The following PPP3CA variants were observed in gnomAD, a reference collection of about 807,000 sequenced individuals.
The protein encoded by PPP3CA is CAM-PRP catalytic subunit.
PPP3CA carries 14 observed loss-of-function variants against 66.5 expected under a neutral mutation model. The ratio of observed to expected loss-of-function variants is 0.21; its 90% CI spans 0.14 to 0.33. The LOEUF is 0.33. Among genes scored for constraint, PPP3CA ranks in the 10% least tolerant of loss-of-function variants. The pLI is 1.00. For missense variants in PPP3CA, 317 were observed against 639.5 expected (o/e 0.50, Z 5.44); for synonymous variants, 232 against 226.2 (o/e 1.03, Z -0.23).
rs546534024 is a variant in PPP3CA at position 101,080,459 on chromosome 4, A to C, written c.955+73T>G. 1.2e-3 allele frequency: 1,020 copies of C among 855,774 alleles called. 3 individuals are homozygous for C. The highest frequency in any genetic ancestry group is 1.4e-3 in the Non-Finnish European group (869 of 609,280). The allele number at this position is 855,774 out of a possible 1,614,324, so 53.0% of individuals were successfully genotyped here. On this transcript the variant is annotated intron_variant, in intron 8 of 13. Transcript: ENST00000394854. ...AGACTGGTTAAAATACTTAAGACCA[A>C]ACCAAAATAAAACGGCTTAAGAATT... is the stretch of plus-strand genomic sequence containing the variant.
chr4:101,032,414 A>AAAG, intron 11 of PPP3CA, 50 bp from the exon 12 acceptor site: 2 of 1,488,386 alleles, frequency 1.3e-6, no homozygotes, highest in Non-Finnish European at 1.9e-6. Context: ...CTTTTGTGAA[A>AAAG]AAGAAAGAAA....
At chr4:101,101,316 T>G (rs1023821323) in intron 3 of PPP3CA, among the ~76,000 whole-genome samples, 1 of 152,176 alleles carries the variant, frequency 6.6e-6, no homozygotes, top group African/African-American at 2.4e-5. Context: ...TAGCTGTACT[T>G]ACATGTTTCA....
intron 2 of PPP3CA, among the ~76,000 whole-genome samples, chr4:101,168,581 T>C (rs934802057): frequency 6.6e-6 from 1 of 152,004 alleles, no homozygotes; most frequent in Non-Finnish European, 1.5e-5. Context: ...GGAGACTAAG[T>C]AAAAAGGACC....
chr4:101,287,704 G>T (rs1727888639), intron 1 of PPP3CA, among the ~76,000 whole-genome samples: 1 of 151,120 alleles, frequency 6.6e-6, no homozygotes, highest in African/African-American at 2.4e-5. Flanking sequence ...GCCTTCCAAG[G>T]TATACAGATC....
intron 1 of PPP3CA, among the ~76,000 whole-genome samples, chr4:101,341,205 TTTC>T (rs754187144): frequency 0.032 from 770 of 23,956 alleles, 2 homozygotes; most frequent in Admixed American, 0.051. Context: ...TTTTTTTCTT[TTTC>T]TTTTTTTTTT....
intron 1 of PPP3CA, among the ~76,000 whole-genome samples, chr4:101,234,563 C>T (rs931509716): frequency 5.3e-5 from 8 of 150,974 alleles, no homozygotes; most frequent in African/African-American, 2.0e-4. Flanking sequence ...ATGTCCTTTC[C>T]CCACTTTTTA....
At chr4:101,208,885 TTA>T (rs1269219668) in intron 1 of PPP3CA, among the ~76,000 whole-genome samples, 1 of 152,178 alleles carries the variant, frequency 6.6e-6, no homozygotes, top group Non-Finnish European at 1.5e-5. Flanking sequence ...CTAATACTCT[TTA>T]TATCGGGTTT....
intron 10 of PPP3CA, among the ~76,000 whole-genome samples, chr4:101,044,919 A>G (rs1727692723): frequency 6.6e-6 from 1 of 152,214 alleles, no homozygotes; most frequent in Non-Finnish European, 1.5e-5. Flanking sequence ...AGCCTTAGAA[A>G]GGAACTGGAA....
chr4:101,238,917 G>A (rs1726213025), intron 1 of PPP3CA, among the ~76,000 whole-genome samples: 1 of 151,820 alleles, frequency 6.6e-6, no homozygotes, highest in South Asian at 2.1e-4. Flanking sequence ...TTATTTTTAG[G>A]ATCAAAAATC....
intron 2 of PPP3CA, among the ~76,000 whole-genome samples, chr4:101,160,761 A>G (rs1358450893): frequency 6.6e-6 from 1 of 152,110 alleles, no homozygotes; most frequent in Non-Finnish European, 1.5e-5. Context: ...TTTTAATCAG[A>G]CAAATGAAGA....
chr4:101,295,039 C>T (rs544353195), intron 1 of PPP3CA, among the ~76,000 whole-genome samples: 4 of 152,154 alleles, frequency 2.6e-5, no homozygotes, highest in South Asian at 4.1e-4. Context: ...CGGTGGCTCA[C>T]GCCTGTAATC....
In PPP3CA at chr4:101,106,425, GAAAGAAAGAAAGAAAGAAAGAAAGAAAGA is replaced by G. The variant is rs1730698886; in HGVS notation, c.384+2500_384+2528del. On this transcript the variant is annotated intron_variant, in intron 3 of 13. Transcript: ENST00000394854. Reference sequence around the variant, plus strand: ...AGAAAGAAAGAAAGAAAGAAAGAAAGAAAGAAAGAAAGAAAGAAAGAAAGAAAGAGAAAAGAAAAGAAAAGAAAAGAAAA... The same window carrying G: ...AGAAAGAAAGAAAGAAAGAAAGAAAGGAAAAGAAAAGAAAAGAAAAGAAAA... 1.9e-4 allele frequency among the ~76,000 whole-genome samples: 2 copies of G among 10,734 alleles called. 1 individual carries two copies. Among genetic ancestry groups the G allele is most frequent in the African/African-American group, 5.8e-4 (2 of 3,448 alleles). 7.0% of individuals were successfully genotyped at this position (10,734 alleles called of 152,430 possible).
intron 2 of PPP3CA, among the ~76,000 whole-genome samples, chr4:101,128,336 T>G (rs1192278675): frequency 2.6e-5 from 4 of 152,192 alleles, no homozygotes; most frequent in African/African-American, 9.7e-5. Context: ...TACCTTGGTC[T>G]GATCATCCAT....
chr4:101,134,584 T>C (rs1722554451), intron 2 of PPP3CA, among the ~76,000 whole-genome samples: 1 of 152,158 alleles, frequency 6.6e-6, no homozygotes, highest in Admixed American at 6.5e-5. Context: ...AAACAACAGA[T>C]GCTGGAGAGG....
chr4:101,183,168 T>C (rs1724297022), intron 2 of PPP3CA, among the ~76,000 whole-genome samples: 2 of 152,158 alleles, frequency 1.3e-5, no homozygotes, highest in East Asian at 1.9e-4. Context: ...ACATGGCTTG[T>C]ACACAATGTT....
chr4:101,110,092 A>ATATGTGTG (rs1174302311), intron 2 of PPP3CA, among the ~76,000 whole-genome samples: 4 of 152,084 alleles, frequency 2.6e-5, no homozygotes, highest in Non-Finnish European at 5.9e-5. Context: ...ATACTAATAT[A>ATATGTGTG]TATGTGTGTA....
intron 2 of PPP3CA, among the ~76,000 whole-genome samples, chr4:101,144,104 G>A (rs1722892034): frequency 6.6e-6 from 1 of 152,042 alleles, no homozygotes; most frequent in African/African-American, 2.4e-5. Context: ...TTGCCACTAT[G>A]TCTGTCTTGG....
intron 2 of PPP3CA, among the ~76,000 whole-genome samples, chr4:101,156,448 AGGCC>A (rs1295694652): frequency 2.0e-5 from 3 of 152,248 alleles, no homozygotes; most frequent in Non-Finnish European, 4.4e-5. Flanking sequence ...TGGGAGGCTG[AGGCC>A]GGCAGATCAC....
At chr4:101,088,449 G>A (rs1729767758) in intron 6 of PPP3CA, among the ~76,000 whole-genome samples, 1 of 151,866 alleles carries the variant, frequency 6.6e-6, no homozygotes, top group South Asian at 2.1e-4. Flanking sequence ...GCCTGGTGTG[G>A]TGGTGGGCGC....
Sources: gnomAD v4.1 joint callset for allele counts (sites outside exome capture counted in the v4.1 genomes callset) on GRCh38, gnomAD v4.1.1 for gene constraint, MANE v1.5 for transcripts, NCBI Gene and HGNC (gene_info 2026-07-23, HGNC 2026-07-21) for gene names.